Variants in SGPP2 observed in about 807,000 individuals in gnomAD.
The protein encoded by SGPP2 is sphingosine 1-phosphate phosphohydrolase 2.
SGPP2 carries 30 observed loss-of-function variants against 33.9 expected under a neutral mutation model. The observed-to-expected ratio is 0.89, with a 90% CI of 0.66 to 1.20. The LOEUF (loss-of-function observed/expected upper bound fraction) is 1.20, where lower values mean the gene tolerates loss of function less well. Ranked by LOEUF, SGPP2 falls within the 50% of genes most tolerant of loss-of-function variation. SGPP2 has a pLI of 0.00. For missense variants in SGPP2, 458 were observed against 532.1 expected (o/e 0.86, Z 1.37); for synonymous variants, 233 against 225.0 (o/e 1.04, Z -0.32).
At chr2:222,526,611 A>C (rs1339040587) in intron 4 of SGPP2, among the ~76,000 whole-genome samples, 1 of 152,234 alleles carries the variant, frequency 6.6e-6, no homozygotes, top group Non-Finnish European at 1.5e-5. Context: ...TGTAGGCTTT[A>C]ATAAAATATG....
intron 4 of SGPP2, among the ~76,000 whole-genome samples, chr2:222,531,456 A>G (rs1308197821): frequency 6.6e-6 from 1 of 152,208 alleles, no homozygotes; most frequent in Non-Finnish European, 1.5e-5. Flanking sequence ...CACTTACATC[A>G]GGTACCTAGA....
chr2:222,502,658 T>G (rs1383888570), intron 2 of SGPP2, among the ~76,000 whole-genome samples: 1 of 152,224 alleles, frequency 6.6e-6, no homozygotes. Flanking sequence ...CAATGTTGAT[T>G]TCTAACATCT....
At chr2:222,452,542 G>C (rs1168693624) in intron 1 of SGPP2, 30 of 1,079,282 alleles carry the variant, frequency 2.8e-5, no homozygotes, top group Non-Finnish European at 4.0e-5. Context: ...GGAGAATTTG[G>C]CTGGAACTAC....
At chr2:222,424,480 G>C (rs967569195), upstream of SGPP2, 1 of 556,526 alleles carries the variant, frequency 1.8e-6, no homozygotes, top group Non-Finnish European at 2.4e-6. Context: ...TGGGCCCGGG[G>C]CCCCGCCCGC....
At chr2:222,434,319 A>G (rs1304069530) in intron 1 of SGPP2, among the ~76,000 whole-genome samples, 1 of 152,178 alleles carries the variant, frequency 6.6e-6, no homozygotes. Flanking sequence ...ATAATTGTAT[A>G]TGTTTATGGG....
intron 1 of SGPP2, among the ~76,000 whole-genome samples, chr2:222,449,141 G>A (rs2106073674): frequency 6.6e-6 from 1 of 152,236 alleles, no homozygotes; most frequent in Non-Finnish European, 1.5e-5. Flanking sequence ...TTCCCACTGT[G>A]CGTTCTGTCT....
chr2:222,428,652 A>G (rs1183530482), intron 1 of SGPP2, among the ~76,000 whole-genome samples: 1 of 152,168 alleles, frequency 6.6e-6, no homozygotes, highest in Non-Finnish European at 1.5e-5. Flanking sequence ...TTGGTGTGCT[A>G]AAGTACAAAT....
chr2:222,548,545 G>A (rs987909378), intron 4 of SGPP2, among the ~76,000 whole-genome samples: 4 of 152,008 alleles, frequency 2.6e-5, no homozygotes, highest in African/African-American at 4.8e-5. Context: ...CTCAGAGGAC[G>A]GTCATGACAT....
At chr2:222,426,866 G>A (rs565446619) in intron 1 of SGPP2, among the ~76,000 whole-genome samples, 1 of 152,328 alleles carries the variant, frequency 6.6e-6, no homozygotes, top group East Asian at 1.9e-4. Flanking sequence ...TAAGGGGGCA[G>A]TTGTGAAAAG....
rs139290963 is a variant in SGPP2, at chr2:222,454,996, G to A, written c.220-19572G>A. Among the ~76,000 whole-genome samples the A allele has an allele frequency of 1.7e-3, 253 of 152,266 alleles. 2 individuals carry two copies. The Middle Eastern group carries it at 0.017, about 10-fold the overall frequency. On this transcript the variant is annotated intron_variant, in intron 1 of 4. Transcript: ENST00000321276. ...CCATTGTGTTGATGCCAGGAATTCTGCAGGAACAAGGTGCCCAGCGTCCTT... is the reference window on the plus strand; with the variant it reads ...CCATTGTGTTGATGCCAGGAATTCTACAGGAACAAGGTGCCCAGCGTCCTT...
At chr2:222,486,552 C>G (rs1039283256) in intron 2 of SGPP2, among the ~76,000 whole-genome samples, 2 of 152,200 alleles carry the variant, frequency 1.3e-5, no homozygotes, top group South Asian at 4.1e-4. Context: ...TATTTGCCAA[C>G]TTTCAAGATA....
At chr2:222,542,429 C>G (rs149336765) in intron 4 of SGPP2, among the ~76,000 whole-genome samples, 6 of 152,134 alleles carry the variant, frequency 3.9e-5, no homozygotes, top group Admixed American at 3.3e-4. Flanking sequence ...TGAGTATGAA[C>G]GCAGAAGTAA....
chr2:222,519,991 T>C (rs1034344048), intron 2 of SGPP2, among the ~76,000 whole-genome samples: 1 of 152,222 alleles, frequency 6.6e-6, no homozygotes, highest in African/African-American at 2.4e-5. Flanking sequence ...CATATGTGTC[T>C]TTTTGGTAGA....
chr2:222,514,914 A>G (rs977164509), intron 2 of SGPP2, among the ~76,000 whole-genome samples: 1 of 151,040 alleles, frequency 6.6e-6, no homozygotes, highest in African/African-American at 2.4e-5. Flanking sequence ...ATGCCTGATC[A>G]CCTCTGAGTC....
intron 2 of SGPP2, among the ~76,000 whole-genome samples, chr2:222,493,198 G>A (rs1574859606): frequency 6.6e-6 from 1 of 152,110 alleles, no homozygotes; most frequent in Non-Finnish European, 1.5e-5. Flanking sequence ...TCCAAGACTG[G>A]GTAATTTATA....
At chr2:222,454,652 T>C (rs1697543644) in intron 1 of SGPP2, among the ~76,000 whole-genome samples, 1 of 151,702 alleles carries the variant, frequency 6.6e-6, no homozygotes, top group South Asian at 2.1e-4. Context: ...GGCTTCTGCT[T>C]GATTAGCTGA....
chr2:222,454,161 T>G (rs1437216145), intron 1 of SGPP2, among the ~76,000 whole-genome samples: 1 of 152,208 alleles, frequency 6.6e-6, no homozygotes, highest in Admixed American at 6.5e-5. Context: ...CTTCATGATT[T>G]TTTTTGCCAA....
Position 222,476,906 on chromosome 2 carries a change from T to C in SGPP2, c.378+2180T>C, listed in dbSNP as rs1395271205. ...TATATGTGTGTTTATTGTATGTATA[T>C]AGATGTGTATATATGTGTATTGGAG... On this transcript the variant is annotated intron_variant, in intron 2 of 4. Transcript: ENST00000321276. This position sits in a 1 kb window ranked among gnomAD's most constrained non-coding sequence, Gnocchi z 4.3. Among the ~76,000 whole-genome samples, 1 of 151,542 alleles carries C rather than the reference T, an allele frequency of 6.6e-6. No homozygotes were observed. The highest frequency in any genetic ancestry group is 1.5e-5 in the Non-Finnish European group (1 of 67,898).
chr2:222,435,265 C>T (rs528434577), intron 1 of SGPP2, among the ~76,000 whole-genome samples: 9 of 152,060 alleles, frequency 5.9e-5, no homozygotes, highest in African/African-American at 2.2e-4. Flanking sequence ...GGAAGTTAGG[C>T]CAGTCTCTCT....
Sources: allele counts gnomAD v4.1 joint callset (sites outside exome capture counted in the v4.1 genomes callset), GRCh38; gene constraint gnomAD v4.1.1; non-coding constraint Gnocchi (gnomAD v3.1); transcripts MANE v1.5; gene names NCBI Gene and HGNC (gene_info 2026-07-23, HGNC 2026-07-21).